RUSC1: variants seen among roughly 807,000 people sequenced by gnomAD.
RUSC1 encodes the protein RUN and SH3 domain containing 1.
RUSC1 carries 40 observed loss-of-function variants against 72.1 expected under a neutral mutation model. The observed-to-expected ratio is 0.55, with a 90% CI of 0.43 to 0.72. The LOEUF (loss-of-function observed/expected upper bound fraction) is 0.72, where lower values mean the gene tolerates loss of function less well. Ranked by LOEUF, RUSC1 falls within the 30% of genes least tolerant of loss-of-function variation. The pLI is 0.00. For synonymous variants in RUSC1, 512 were observed against 494.2 expected (o/e 1.04, Z -0.48); for missense variants, 1,092 against 1,172.3 (o/e 0.93, Z 1.00).
chr1:155,323,170 G>T, intron 2 of RUSC1, 40 bp downstream of exon 2: 1 of 1,396,216 alleles, frequency 7.2e-7, no homozygotes, highest in Non-Finnish European at 9.2e-7. Context: ...CTGGGCTTCG[G>T]CCGCTCACGC....
Position 155,321,867 on chromosome 1 carries a change from C to A in RUSC1, c.94C>A (p.Leu32Ile). The A allele has an allele frequency of 6.2e-7, 1 of 1,613,648 alleles. No homozygotes were observed. Among genetic ancestry groups the A allele is most frequent in the Non-Finnish European group, 8.5e-7 (1 of 1,179,952 alleles). ...CCTGCACTTGTCCCGCCGTCCTGAG[C>A]TACAGGAGGGGCCTTTGAGCACACC... ...LGLHLSRRPELQEGPLSTPPP... is the reference protein window; with the variant it reads ...LGLHLSRRPEIQEGPLSTPPP... Residue 32 changes from leucine to isoleucine, a missense_variant, in exon 2 of 10, where the codon CTA becomes ATA. Coordinates refer to ENST00000368352, the MANE Select transcript of RUSC1 (RefSeq NM_001105203.2).
In RUSC1 at chr1:155,320,934, CG is replaced by C. The variant is rs762110324; in HGVS notation, c.-140del. The stretch of plus-strand genomic sequence containing the variant: ...CCCTCCCGCTCTGTGCCCCGCCGGG[CG>C]GGGACCGTGGGAGCCGCGGACAAGC... On this transcript the variant is annotated 5_prime_UTR_variant, in exon 1 of 10. Coordinates refer to ENST00000368352, the MANE Select transcript of RUSC1 (RefSeq NM_001105203.2). 1.5e-5 allele frequency: 23 copies of C among 1,573,704 alleles called. No individual in the cohort carries two copies. Among genetic ancestry groups the C allele is most frequent in the Non-Finnish European group, 1.9e-5 (22 of 1,158,768 alleles).
At position 155,325,907 on chromosome 1, in the gene RUSC1, G is replaced by A. The variant is rs1373942123; in HGVS notation, c.1858G>A (p.Ala620Thr). The A allele has an allele frequency of 6.2e-7, 1 of 1,614,156 alleles. No individual in the cohort carries two copies. The highest frequency in any genetic ancestry group is 8.5e-7 in the Non-Finnish European group (1 of 1,179,994). The change falls in exon 7 of 10, where the codon GCA becomes ACA. Residue 620 changes from alanine to threonine, a missense_variant. Coordinates refer to ENST00000368352, the MANE Select transcript of RUSC1 (RefSeq NM_001105203.2). The surrounding 1 kb of genome is among the most constrained non-coding windows in gnomAD (Gnocchi z 6.5). ...GTGGTTTTCCAGTCTCCAGGAAGAT[G>A]CAGGTCAGAGGTTCAGATGGTAGAG... is the stretch of plus-strand genomic sequence containing the variant. ...ELWFSSLQED[A>T]GLLSLLYLPT...
chr1:155,323,001 A>C lies in RUSC1; in HGVS notation c.1228A>C (p.Arg410=). The C allele has an allele frequency of 1.5e-6, 2 of 1,305,416 alleles. No homozygotes were observed. Among genetic ancestry groups the C allele is most frequent in the East Asian group, 4.2e-5 (1 of 23,670 alleles). 80.9% of individuals were successfully genotyped at this position (1,305,416 alleles called of 1,614,324 possible). A position where few individuals can be genotyped will look rare whatever the true frequency, so the allele number is the denominator to read the frequency against. The change falls in exon 2 of 10, where the codon AGG becomes CGG. Residue 410 remains arginine, a synonymous_variant. Coordinates refer to ENST00000368352, the MANE Select transcript of RUSC1 (RefSeq NM_001105203.2). ...RPPPPPVPPR[R]KKNRPGLQPI... ...CCCACCCCCGCCTGTCCCTCCCCGA[A>C]GGAAGAAGAACCGACCTGGACTGCA...
At position 155,321,792 on chromosome 1, in the gene RUSC1, G is replaced by T. The variant is rs766941422; in HGVS notation, c.19G>T (p.Ala7Ser). The change falls in exon 2 of 10, where the codon GCT (alanine) becomes TCT (serine). Residue 7 changes from alanine to serine, a missense_variant. Transcript: ENST00000368352. Reference sequence around the variant, plus strand: ...TAGCATCATGCTGTCCCCTCAGAGAGCTTTACTCTGCAACCTCAACCACAT... The same window carrying T: ...TAGCATCATGCTGTCCCCTCAGAGATCTTTACTCTGCAACCTCAACCACAT... MLSPQR[A>S]LLCNLNHIHL... 1.2e-6 allele frequency: 2 copies of T among 1,613,836 alleles called. No individual in the cohort carries two copies. The highest frequency in any genetic ancestry group is 1.7e-6 in the Non-Finnish European group (2 of 1,180,024).
intron 1 of RUSC1, 160 bp from the exon 2 acceptor site, chr1:155,321,527 CA>C: frequency 1.4e-6 from 2 of 1,412,002 alleles, no homozygotes; most frequent in Non-Finnish European, 1.9e-6. Context: ...GCAAACACTG[CA>C]GTGGAAACTA....
intron 8 of RUSC1, 57 bp from the exon 9 acceptor site, chr1:155,328,093 G>A (rs74363046): frequency 1.9e-6 from 3 of 1,572,844 alleles, no homozygotes; most frequent in African/African-American, 2.7e-5. Context: ...CCAAACCCCA[G>A]GGTTCTTGGG....
At chr1:155,323,157 G>A in intron 2 of RUSC1, 27 bp downstream of exon 2, 4 of 1,401,116 alleles carry the variant, frequency 2.9e-6, no homozygotes, top group Non-Finnish European at 3.7e-6. Context: ...AGCGGGAGGA[G>A]GGCTGGGCTT....
chr1:155,330,544 T>C lies in RUSC1; in HGVS notation c.2682T>C (p.Pro894=), dbSNP rs41264224. The C allele has an allele frequency of 1.7e-3, 2,755 of 1,610,566 alleles. 4 individuals carry two copies. The highest frequency in any genetic ancestry group is 1.9e-3 in the Non-Finnish European group (2,239 of 1,178,110). ...CGRDGMEGLV[P]VGYTSLVL ...GGGATGGCATGGAGGGTCTGGTGCC[T>C]GTGGGGTATACCTCCCTTGTTCTGT... Residue 894 remains proline, a synonymous_variant, in exon 10 of 10, where the codon CCT becomes CCC. Coordinates refer to ENST00000368352, the MANE Select transcript of RUSC1 (RefSeq NM_001105203.2).
chr1:155,324,591 G>A (rs373973213), intron 2 of RUSC1: 68 of 1,560,028 alleles, frequency 4.4e-5, no homozygotes, highest in Non-Finnish European at 5.7e-5. Context: ...CCTGGAGGTG[G>A]GGGCTGTGCC....
chr1:155,323,071 C>G lies in RUSC1; in HGVS notation c.1298C>G (p.Pro433Arg). The G allele has an allele frequency of 7.0e-7, 1 of 1,433,338 alleles. No individual in the cohort carries two copies. Among genetic ancestry groups the G allele is most frequent in the Non-Finnish European group, 9.1e-7 (1 of 1,096,108 alleles). 88.8% of individuals were successfully genotyped at this position (1,433,338 alleles called of 1,614,324 possible). ...TCCGAGGAGGGCCGGGCTGTCAGCC[C>G]AGCGGCTGGCGAGGAGGCCCCAGCC... is the stretch of plus-strand genomic sequence containing the variant. ...GQSEEGRAVSPAAGEEAPAAK... is the reference protein window; with the variant it reads ...GQSEEGRAVSRAAGEEAPAAK... The change falls in exon 2 of 10, where the codon CCA (proline) becomes CGA (arginine). Residue 433 changes from proline (P) to arginine (R), a missense_variant. By Grantham distance (103) the Pro-to-Arg change is moderately radical (BLOSUM62 -2). Transcript: ENST00000368352.
In RUSC1 at chr1:155,326,848, CA is replaced by C; in HGVS notation, c.2132del (p.Lys711ArgfsTer23). On this transcript the variant is annotated frameshift_variant, in exon 8 of 10. Transcript: ENST00000368352. LOFTEE classifies it high-confidence loss of function. This position sits in a 1 kb window ranked among gnomAD's most constrained non-coding sequence, Gnocchi z 4.7. ...TGGCCCAGAGCCTTCGGGGGACTTC[CA>C]AGGAAGCTGCTTCAGACCCCTCTGA... ...RLAQSLRGTS[K>X]EAASDPSDSP... 1.2e-6 allele frequency: 2 copies of C among 1,613,682 alleles called. No homozygotes were observed. The highest frequency in any genetic ancestry group is 1.7e-6 in the Non-Finnish European group (2 of 1,180,032).
At position 155,320,920 on chromosome 1, in the gene RUSC1, T is replaced by G. The variant is rs562568962; in HGVS notation, c.-158T>G. 17 of 1,581,472 alleles carry G rather than the reference T, an allele frequency of 1.1e-5. 1 individual carries two copies. In the South Asian group the frequency reaches 1.8e-4, roughly 17 times the overall value. On this transcript the variant is annotated 5_prime_UTR_variant, in exon 1 of 10. Coordinates refer to ENST00000368352, the MANE Select transcript of RUSC1 (RefSeq NM_001105203.2). The stretch of plus-strand genomic sequence containing the variant: ...TGCTAGTGCCCCTCCCCTCCCGCTC[T>G]GTGCCCCGCCGGGCGGGGACCGTGG...
chr1:155,330,562 T>C lies in RUSC1; in HGVS notation c.2700T>C (p.Leu900=). 1 of 1,596,614 alleles carries C rather than the reference T, an allele frequency of 6.3e-7. No homozygotes were observed. The change falls in exon 10 of 10, where the codon CTT becomes CTC. Residue 900 remains leucine (L), a synonymous_variant. Coordinates refer to ENST00000368352, the MANE Select transcript of RUSC1 (RefSeq NM_001105203.2). ...EGLVPVGYTS[L]VL ...TGGTGCCTGTGGGGTATACCTCCCT[T>C]GTTCTGTAGCCCTGGGACCCTTTCC...
At chr1:155,330,178 A>T (rs1651863738) in intron 9 of RUSC1, among the ~76,000 whole-genome samples, 1 of 152,052 alleles carries the variant, frequency 6.6e-6, no homozygotes. Context: ...CACCATTGAG[A>T]AGTGCAAATA....
rs1429745307 is a variant in RUSC1, at chr1:155,322,091, C to T, written c.318C>T (p.Leu106=). The change falls in exon 2 of 10, where the codon CTC becomes CTT. Residue 106 remains leucine (L), a synonymous_variant. Coordinates refer to ENST00000368352, the MANE Select transcript of RUSC1 (RefSeq NM_001105203.2). ...CAGACCCAGGCTGCTCCTCCTCACT[C>T]AGCTCCTGCTCAGATCTTAGCCCCG... ...SPSDPGCSSS[L]SSCSDLSPDE... is the part of the protein sequence containing the mutation. The T allele has an allele frequency of 1.9e-6, 3 of 1,613,698 alleles. No individual in the cohort carries two copies. Among genetic ancestry groups the T allele is most frequent in the Admixed American group, 1.7e-5 (1 of 59,958 alleles).
At position 155,322,338 on chromosome 1, in the gene RUSC1, C is replaced by T; in HGVS notation, c.565C>T (p.Gln189Ter). 6.2e-7 allele frequency: 1 copy of T among 1,612,716 alleles called. No homozygotes were observed. ...GAACTGCAACGCCCTGACCACCTGCCAGGACGTCCCTTCCCCAGGCTTGGA... is the reference window on the plus strand; with the variant it reads ...GAACTGCAACGCCCTGACCACCTGCTAGGACGTCCCTTCCCCAGGCTTGGA... ...DSNCNALTTC[Q>*]DVPSPGLEEE... Residue 189 changes from glutamine (Q) to a stop codon, truncating the protein, a stop_gained, in exon 2 of 10, where the codon CAG becomes TAG. Transcript: ENST00000368352. LOFTEE classifies it high-confidence loss of function.
chr1:155,321,480 C>G (rs1226460411), intron 1 of RUSC1: 1 of 1,470,102 alleles, frequency 6.8e-7, no homozygotes. Flanking sequence ...CTGACCCTCC[C>G]GGCTCCATTC....
intron 8 of RUSC1, among the ~76,000 whole-genome samples, chr1:155,327,780 CAG>C (rs1651571637): frequency 6.6e-6 from 1 of 152,190 alleles, no homozygotes; most frequent in Admixed American, 6.5e-5. Flanking sequence ...GCCTGGGCGA[CAG>C]AGCGAGACCC....
Sources: allele counts gnomAD v4.1 joint callset (sites outside exome capture counted in the v4.1 genomes callset), GRCh38; gene constraint gnomAD v4.1.1; non-coding constraint Gnocchi (gnomAD v3.1); transcripts MANE v1.5; gene names NCBI Gene and HGNC (gene_info 2026-07-23, HGNC 2026-07-21).